RBFOX1: variants seen among roughly 807,000 people sequenced by gnomAD.
RBFOX1 encodes RNA binding protein fox-1 homolog 1.
A neutral mutation model predicts 57.7 loss-of-function variants in RBFOX1; 8 were observed. The ratio of observed to expected loss-of-function variants is 0.14; its 90% CI spans 0.08 to 0.25. The LOEUF is 0.25. Among genes scored for constraint, RBFOX1 ranks in the 10% least tolerant of loss-of-function variants. The pLI, the probability that RBFOX1 is intolerant of heterozygous loss-of-function variation, is 1.00. For synonymous variants in RBFOX1, 326 were observed against 222.4 expected (o/e 1.47, Z -4.15); for missense variants, 611 against 548.5 (o/e 1.11, Z -1.14).
At chr16:6,089,543 G>A (rs753136627) in intron 1 of RBFOX1, among the ~76,000 whole-genome samples, 3 of 152,194 alleles carry the variant, frequency 2.0e-5, no homozygotes, top group Non-Finnish European at 2.9e-5. Context: ...GGGAGACTTT[G>A]AACAACCTAA....
chr16:7,489,824 T>C (rs1351090897), intron 4 of RBFOX1, among the ~76,000 whole-genome samples: 1 of 152,070 alleles, frequency 6.6e-6, no homozygotes, highest in African/African-American at 2.4e-5. Context: ...CCCAGCTAAG[T>C]TATGCATATT....
At chr16:6,608,781 C>G (rs1449169251) in intron 2 of RBFOX1, among the ~76,000 whole-genome samples, 4 of 152,112 alleles carry the variant, frequency 2.6e-5, no homozygotes, top group African/African-American at 9.6e-5. Flanking sequence ...CAAAAACAAA[C>G]AAAAACAGAA....
intron 1 of RBFOX1, among the ~76,000 whole-genome samples, chr16:6,032,882 G>T (rs1596530469): frequency 1.4e-5 from 2 of 140,034 alleles, no homozygotes; most frequent in Non-Finnish European, 3.0e-5. Flanking sequence ...CCTAGTGTAA[G>T]TTTTTTTTTT....
chr16:6,027,050 G>A (rs1225132973), intron 1 of RBFOX1, among the ~76,000 whole-genome samples: 1 of 152,244 alleles, frequency 6.6e-6, no homozygotes, highest in Non-Finnish European at 1.5e-5. Context: ...TTCATTGCTA[G>A]TTCTGCATTT....
chr16:6,734,659 C>G (rs962350106), intron 3 of RBFOX1, among the ~76,000 whole-genome samples: 1 of 152,110 alleles, frequency 6.6e-6, no homozygotes, highest in African/African-American at 2.4e-5. Flanking sequence ...TTTCTCCTCT[C>G]ATTCTACACA....
intron 4 of RBFOX1, among the ~76,000 whole-genome samples, chr16:7,200,720 C>T (rs1490154119): frequency 6.6e-6 from 1 of 152,178 alleles, no homozygotes; most frequent in Admixed American, 6.5e-5. Flanking sequence ...CTCGGCTTAG[C>T]AGAGAGGGAT....
chr16:7,207,042 A>C (rs1309666312), intron 4 of RBFOX1, among the ~76,000 whole-genome samples: 1 of 152,154 alleles, frequency 6.6e-6, no homozygotes, highest in Non-Finnish European at 1.5e-5. Flanking sequence ...GGCAACTTCA[A>C]GGGCTTTATG....
At chr16:5,944,063 A>G (rs74537664) in intron 4 of RBFOX1, among the ~76,000 whole-genome samples, 3,488 of 151,470 alleles carry the variant, frequency 0.023, 128 homozygotes, top group African/African-American at 0.081. Flanking sequence ...CCATCCATCC[A>G]TCATTCAGCC....
At chr16:6,178,035 C>A (rs1303872981) in intron 1 of RBFOX1, among the ~76,000 whole-genome samples, 1 of 151,704 alleles carries the variant, frequency 6.6e-6, no homozygotes, top group African/African-American at 2.4e-5. Context: ...TGTTTTGAGA[C>A]ATTAGTGTTT....
chr16:5,403,567 C>G (rs951680353), intron 1 of RBFOX1, among the ~76,000 whole-genome samples: 1 of 152,180 alleles, frequency 6.6e-6, no homozygotes, highest in African/African-American at 2.4e-5. Context: ...GCCTCAGTCT[C>G]TCGAGTAGCT....
chr16:7,320,062 T>G (rs2096517991), intron 4 of RBFOX1, among the ~76,000 whole-genome samples: 1 of 152,206 alleles, frequency 6.6e-6, no homozygotes, highest in Non-Finnish European at 1.5e-5. Context: ...GAAAGTTACC[T>G]TTTCTTAAAA....
chr16:6,824,087 G>T (rs138262338), intron 3 of RBFOX1, among the ~76,000 whole-genome samples: 16 of 152,336 alleles, frequency 1.1e-4, no homozygotes, highest in African/African-American at 3.8e-4. Flanking sequence ...GTAATGGAAT[G>T]GTGAAGAGGA....
intron 4 of RBFOX1, among the ~76,000 whole-genome samples, chr16:5,875,286 T>G (rs1431117878): frequency 2.6e-5 from 4 of 152,200 alleles, no homozygotes; most frequent in African/African-American, 9.6e-5. Context: ...TTGGCCAAAC[T>G]TACTCAAAAA....
intron 2 of RBFOX1, among the ~76,000 whole-genome samples, chr16:5,521,419 T>C (rs1174774010): frequency 1.6e-4 from 25 of 152,166 alleles, no homozygotes; most frequent in Admixed American, 1.2e-3. Context: ...CATTTGATTT[T>C]AGGATCCCAA....
intron 4 of RBFOX1, among the ~76,000 whole-genome samples, chr16:7,283,978 C>T (rs139062203): frequency 6.6e-6 from 1 of 152,210 alleles, no homozygotes; most frequent in South Asian, 2.1e-4. Flanking sequence ...AATTGGCAGT[C>T]TCTTTTCTGT....
At chr16:6,440,782 C>T (rs1366261206) in intron 2 of RBFOX1, among the ~76,000 whole-genome samples, 1 of 130,560 alleles carries the variant, frequency 7.7e-6, no homozygotes, top group Non-Finnish European at 1.6e-5. Flanking sequence ...GCCTGGGTGA[C>T]AGAGCGAGAC....
chr16:7,611,539 A>G (rs987499469), intron 10 of RBFOX1, among the ~76,000 whole-genome samples: 8 of 151,198 alleles, frequency 5.3e-5, no homozygotes, highest in Non-Finnish European at 1.0e-4. Flanking sequence ...AGATTGCACC[A>G]TTGCACTGCA....
chr16:6,397,811 G>A (rs934673663), intron 2 of RBFOX1, among the ~76,000 whole-genome samples: 2 of 152,134 alleles, frequency 1.3e-5, no homozygotes, highest in Admixed American at 6.5e-5. Context: ...ATGCTGAGTA[G>A]ACTGTGCTGT....
At chr16:7,101,356 G>A (rs544663672) in intron 4 of RBFOX1, among the ~76,000 whole-genome samples, 59 of 152,318 alleles carry the variant, frequency 3.9e-4, no homozygotes, top group African/African-American at 1.1e-3. Flanking sequence ...GGGAATTTAG[G>A]AAGAAATGTA....
Sources: gnomAD v4.1 joint callset for allele counts (sites outside exome capture counted in the v4.1 genomes callset) on GRCh38, gnomAD v4.1.1 for gene constraint, MANE v1.5 for transcripts, NCBI Gene and HGNC (gene_info 2026-07-23, HGNC 2026-07-21) for gene names.